The following CYTH3 variants were observed in gnomAD, a reference collection of about 807,000 sequenced individuals.
CYTH3 encodes the protein cytohesin-3.
CYTH3 carries 23 observed loss-of-function variants against 55.1 expected under a neutral mutation model. The ratio of observed to expected loss-of-function variants is 0.42; its 90% CI spans 0.30 to 0.59. The LOEUF (loss-of-function observed/expected upper bound fraction) is 0.59. CYTH3 is among the 20% of genes least tolerant of loss of function. The pLI, the probability that CYTH3 is intolerant of heterozygous loss-of-function variation, is 0.20. For missense variants in CYTH3, 413 were observed against 524.8 expected (o/e 0.79, Z 2.08); for synonymous variants, 249 against 194.9 (o/e 1.28, Z -2.31).
intron 1 of CYTH3, among the ~76,000 whole-genome samples, chr7:6,232,137 A>G (rs1779404193): frequency 6.6e-6 from 1 of 152,072 alleles, no homozygotes; most frequent in East Asian, 1.9e-4. Flanking sequence ...CCCATTGCCA[A>G]TCCCCAATCC....
intron 4 of CYTH3, among the ~76,000 whole-genome samples, chr7:6,179,828 GCACACCACATACA>G (rs1783454554): frequency 1.6e-5 from 1 of 64,458 alleles, no homozygotes; most frequent in South Asian, 6.3e-4. Flanking sequence ...CACCACACAC[GCACACCACATACA>G]CCACACCACA....
intron 1 of CYTH3, among the ~76,000 whole-genome samples, chr7:6,216,059 C>G (rs923439634): frequency 4.6e-5 from 7 of 152,122 alleles, no homozygotes; most frequent in African/African-American, 1.7e-4. Flanking sequence ...AGTTCTCTAA[C>G]TAGAAGGGAA....
chr7:6,201,103 TATG>T (rs1174383162), intron 1 of CYTH3, among the ~76,000 whole-genome samples: 1 of 152,152 alleles, frequency 6.6e-6, no homozygotes, highest in Non-Finnish European at 1.5e-5. Flanking sequence ...ACTGAAGCAG[TATG>T]ATGACACGCA....
chr7:6,172,099 C>T lies in CYTH3; in HGVS notation c.450-785G>A, dbSNP rs140073366. On this transcript the variant is annotated intron_variant, in intron 6 of 12. Transcript: ENST00000350796. ...GCTATTCAGCAACGTCTGATGCTGC[C>T]GTGGATTTAGCACAAGGATCAAGAC... 121 of 152,668 alleles carry T rather than the reference C, an allele frequency of 7.9e-4. 2 individuals carry two copies. Among genetic ancestry groups the T allele is most frequent in the Non-Finnish European group, 9.7e-4 (66 of 68,350 alleles). 9.5% of individuals were successfully genotyped at this position (152,668 alleles called of 1,614,324 possible).
Position 6,165,114 on chromosome 7 carries a change from CTCAGATCTGAA to C in CYTH3, c.1128-109_1128-99del, listed in dbSNP as rs1422016881. On this transcript the variant is annotated intron_variant, in intron 12 of 12. Transcript: ENST00000350796. ...GAGGCCCCTCAGACAGGACCGCAGG[CTCAGATCTGAA>C]CGTCGGCTTTGGCAGCCCGGCCCTC... 2.5e-6 allele frequency: 4 copies of C among 1,578,034 alleles called. No homozygotes were observed. In the African/African-American group the frequency reaches 4.1e-5, roughly 16 times the overall value.
At chr7:6,191,948 G>A (rs1415534402) in intron 1 of CYTH3, among the ~76,000 whole-genome samples, 1 of 151,908 alleles carries the variant, frequency 6.6e-6, no homozygotes, top group Non-Finnish European at 1.5e-5. Flanking sequence ...GCATGGTGGT[G>A]CATGCCTGTG....
At chr7:6,244,985 T>G (rs1285940192) in intron 1 of CYTH3, among the ~76,000 whole-genome samples, 1 of 130,124 alleles carries the variant, frequency 7.7e-6, no homozygotes, top group African/African-American at 2.8e-5. Flanking sequence ...TTTTTTTTTT[T>G]TTTTTTTTGT....
At chr7:6,178,473 G>A (rs149442565) in intron 4 of CYTH3, among the ~76,000 whole-genome samples, 49 of 152,200 alleles carry the variant, frequency 3.2e-4, no homozygotes, top group Non-Finnish European at 5.7e-4. Flanking sequence ...AGGCAAGCCT[G>A]GAGGGAAAGT....
intron 1 of CYTH3, among the ~76,000 whole-genome samples, chr7:6,239,106 C>G (rs1044915494): frequency 2.6e-5 from 4 of 152,058 alleles, no homozygotes; most frequent in African/African-American, 9.7e-5. Context: ...CCCAACTACT[C>G]AGGAGGCTGA....
chr7:6,237,688 G>A (rs1264097638), intron 1 of CYTH3, among the ~76,000 whole-genome samples: 1 of 152,020 alleles, frequency 6.6e-6, no homozygotes, highest in Admixed American at 6.6e-5. Flanking sequence ...CAGCCTGGGC[G>A]ACAGAGCAAG....
intron 2 of CYTH3, among the ~76,000 whole-genome samples, chr7:6,189,230 C>T (rs1783736440): frequency 6.6e-6 from 1 of 152,196 alleles, no homozygotes; most frequent in Non-Finnish European, 1.5e-5. Context: ...TCCTGTGGGA[C>T]CGCCCTCTAC....
At chr7:6,245,485 A>T (rs1364668082) in intron 1 of CYTH3, among the ~76,000 whole-genome samples, 1 of 152,114 alleles carries the variant, frequency 6.6e-6, no homozygotes. Flanking sequence ...CCCTGGGAGA[A>T]GGTGCACCCT....
At chr7:6,255,268 C>T (rs936229909) in intron 1 of CYTH3, among the ~76,000 whole-genome samples, 1 of 152,124 alleles carries the variant, frequency 6.6e-6, no homozygotes, top group East Asian at 1.9e-4. Context: ...AATGTTTAAA[C>T]AAACTTATGT....
chr7:6,189,099 T>C (rs928088317), intron 2 of CYTH3, among the ~76,000 whole-genome samples: 3 of 152,186 alleles, frequency 2.0e-5, no homozygotes, highest in Non-Finnish European at 4.4e-5. Flanking sequence ...AAGACCTCCA[T>C]GTCTGATTGA....
At chr7:6,258,208 G>A (rs1199102135) in intron 1 of CYTH3, among the ~76,000 whole-genome samples, 2 of 151,584 alleles carry the variant, frequency 1.3e-5, no homozygotes, top group East Asian at 1.9e-4. Context: ...AGCTACTTGA[G>A]AGGCTGAGGT....
chr7:6,231,420 T>C (rs541272291), intron 1 of CYTH3, among the ~76,000 whole-genome samples: 51 of 152,248 alleles, frequency 3.3e-4, no homozygotes, highest in African/African-American at 1.2e-3. Flanking sequence ...ACAGCTCAGA[T>C]GATGTCAAGA....
At chr7:6,265,551 G>A (rs566696638) in intron 1 of CYTH3, among the ~76,000 whole-genome samples, 21 of 151,424 alleles carry the variant, frequency 1.4e-4, no homozygotes, top group Admixed American at 8.6e-4. Flanking sequence ...CCCAGGAAGC[G>A]GATGTTGCAG....
intron 6 of CYTH3, chr7:6,172,696 G>A (rs921090112): frequency 7.3e-6 from 8 of 1,090,658 alleles, no homozygotes; most frequent in African/African-American, 3.4e-5. Context: ...AGTCACAGCT[G>A]CAAGGGCCGC....
intron 5 of CYTH3, among the ~76,000 whole-genome samples, chr7:6,175,545 CTTT>C (rs1177188782): frequency 2.2e-5 from 2 of 89,000 alleles, no homozygotes; most frequent in Admixed American, 1.4e-4. Flanking sequence ...ACACTTTAGT[CTTT>C]TTTTTTTTTT....
Sources: allele counts gnomAD v4.1 joint callset (sites outside exome capture counted in the v4.1 genomes callset), GRCh38; gene constraint gnomAD v4.1.1; transcripts MANE v1.5; gene names NCBI Gene and HGNC (gene_info 2026-07-23, HGNC 2026-07-21).